UBR1: variants seen among roughly 807,000 people sequenced by gnomAD.
UBR1 encodes ubiquitin protein ligase E3 component n-recognin 1, also known as E3 ubiquitin-protein ligase UBR1.
A neutral mutation model predicts 242.1 loss-of-function variants in UBR1; 102 were observed. That is an observed-to-expected ratio of 0.42 (90% confidence interval 0.36 to 0.50). The LOEUF (loss-of-function observed/expected upper bound fraction) is 0.50. Among genes scored for constraint, UBR1 ranks in the 20% least tolerant of loss-of-function variants. The pLI is 0.01. For missense variants in UBR1, 1,772 were observed against 2,101.8 expected, an observed-to-expected ratio of 0.84 and a Z score of 3.07; for synonymous variants, 675 against 684.8, an observed-to-expected ratio of 0.99 and a Z score of 0.22.
At chr15:43,071,880 C>A (rs1169454261) in intron 4 of UBR1, among the ~76,000 whole-genome samples, 5 of 151,978 alleles carry the variant, frequency 3.3e-5, no homozygotes, top group Non-Finnish European at 7.4e-5. Context: ...GTGGCCATAA[C>A]AAAAAAAGCA....
At chr15:43,058,682 ATTCTTT>A (rs1436726200) in intron 9 of UBR1, among the ~76,000 whole-genome samples, 1 of 151,982 alleles carries the variant, frequency 6.6e-6, no homozygotes. Flanking sequence ...CAACCTTTTC[ATTCTTT>A]TTCTATTTCA....
chr15:42,943,542 G>A lies in UBR1; in HGVS notation c.*1787C>T, dbSNP rs1322980511. ...TGCCAGACAGTCCCTCTGTCCTCTTGAGAGCCTAACTCCAGAATTTATTAA... is the reference window on the plus strand; with the variant it reads ...TGCCAGACAGTCCCTCTGTCCTCTTAAGAGCCTAACTCCAGAATTTATTAA... On this transcript the variant is annotated 3_prime_UTR_variant, in exon 47 of 47. Coordinates refer to ENST00000290650, the MANE Select transcript of UBR1 (RefSeq NM_174916.3). 1 of 152,290 alleles carries A rather than the reference G, an allele frequency of 6.6e-6. No individual in the cohort carries two copies. The highest frequency in any genetic ancestry group is 1.5e-5 in the Non-Finnish European group (1 of 68,044). 9.4% of individuals were successfully genotyped at this position (152,290 alleles called of 1,614,324 possible). A position where few individuals can be genotyped will look rare whatever the true frequency, so the allele number is the denominator to read the frequency against.
At chr15:43,021,073 C>G in intron 27 of UBR1, 1 of 480,178 alleles carries the variant, frequency 2.1e-6, no homozygotes, top group South Asian at 2.3e-5. Context: ...GACTAAATAA[C>G]GACAAAAAAA....
intron 3 of UBR1, among the ~76,000 whole-genome samples, chr15:43,076,829 C>T (rs1162604676): frequency 1.6e-3 from 171 of 104,446 alleles, no homozygotes; most frequent in Middle Eastern, 0.015. Flanking sequence ...TGAGGGGCGC[C>T]TCTGCCCGGC....
chr15:42,977,994 T>C (rs2032316410), intron 37 of UBR1, 47 bp from the exon 38 acceptor site: 1 of 1,505,798 alleles, frequency 6.6e-7, no homozygotes, highest in Non-Finnish European at 9.2e-7. Context: ...AAGATAGCAG[T>C]GTAGGTAAAT....
intron 33 of UBR1, among the ~76,000 whole-genome samples, chr15:42,995,945 C>T (rs770211334): frequency 3.9e-5 from 6 of 152,194 alleles, no homozygotes; most frequent in Non-Finnish European, 8.8e-5. Flanking sequence ...ACAACTGCCC[C>T]ATATTCTCCA....
At chr15:43,054,445 A>G (rs1170150211) in intron 12 of UBR1, among the ~76,000 whole-genome samples, 1 of 152,106 alleles carries the variant, frequency 6.6e-6, no homozygotes, top group Non-Finnish European at 1.5e-5. Context: ...GTGTGAGTGG[A>G]AGTGAATGAA....
intron 30 of UBR1, 80 bp downstream of exon 30, chr15:43,006,999 T>C (rs772900311): frequency 8.2e-5 from 113 of 1,385,684 alleles, no homozygotes; most frequent in African/African-American, 5.6e-4. Flanking sequence ...TATTTCCAAA[T>C]GTTTTTCAAA....
intron 32 of UBR1, among the ~76,000 whole-genome samples, chr15:43,000,468 A>C (rs189547865): frequency 6.6e-6 from 1 of 152,350 alleles, no homozygotes; most frequent in Non-Finnish European, 1.5e-5. Flanking sequence ...CTGTGTAAAA[A>C]AGGCTTGTAC....
At chr15:43,087,083 AC>A (rs1275300781) in intron 1 of UBR1, among the ~76,000 whole-genome samples, 3 of 152,182 alleles carry the variant, frequency 2.0e-5, no homozygotes, top group Non-Finnish European at 4.4e-5. Flanking sequence ...AAAAACAACA[AC>A]AAAAACTTAT....
At chr15:42,957,074 AT>A (rs1055594665) in intron 44 of UBR1, among the ~76,000 whole-genome samples, 4 of 152,036 alleles carry the variant, frequency 2.6e-5, no homozygotes, top group Admixed American at 1.3e-4. Context: ...GTAGATGAGT[AT>A]TTTTTTTAGT....
intron 39 of UBR1, among the ~76,000 whole-genome samples, chr15:42,974,210 T>C (rs1302251720): frequency 6.6e-6 from 1 of 152,152 alleles, no homozygotes; most frequent in Non-Finnish European, 1.5e-5. Context: ...TTTTATAGTT[T>C]TGCATTTTAC....
intron 14 of UBR1, among the ~76,000 whole-genome samples, chr15:43,045,861 G>A (rs749529326): frequency 6.6e-6 from 1 of 152,206 alleles, no homozygotes; most frequent in Non-Finnish European, 1.5e-5. Context: ...GATAATAAAT[G>A]TATTAGGATA....
At chr15:43,047,438 G>A (rs567327034) in intron 13 of UBR1, 149 bp from the exon 14 acceptor site, 4 of 1,204,846 alleles carry the variant, frequency 3.3e-6, no homozygotes, top group East Asian at 2.4e-5. Flanking sequence ...CCAGCTCTCA[G>A]GTATGTGCTC....
At chr15:43,040,590 T>C (rs1360753960) in intron 15 of UBR1, among the ~76,000 whole-genome samples, 1 of 152,064 alleles carries the variant, frequency 6.6e-6, no homozygotes, top group Admixed American at 6.6e-5. Flanking sequence ...AAAGACAAAA[T>C]TGACAAATGG....
At chr15:43,062,648 G>A (rs564950957) in intron 6 of UBR1, among the ~76,000 whole-genome samples, 1 of 152,284 alleles carries the variant, frequency 6.6e-6, no homozygotes, top group Admixed American at 6.5e-5. Flanking sequence ...GTCTCACTCT[G>A]TTGTTCAGGC....
At chr15:43,006,182 TG>T (rs909037060) in intron 30 of UBR1, among the ~76,000 whole-genome samples, 1 of 151,160 alleles carries the variant, frequency 6.6e-6, no homozygotes, top group African/African-American at 2.4e-5. Flanking sequence ...CTCATGGCCA[TG>T]GGTAAGTTAC....
In UBR1 at chr15:42,952,428, T is replaced by A. The variant is rs753088815; in HGVS notation, c.4856A>T (p.Asp1619Val). ...SHFRCPRSAD[D>V]ERKHPVLCLF... ...GCAGAGGACAGGATGCTTTCGCTCA[T>A]CATCTGCAGACCGTGGGCACCTCAA... Residue 1619 changes from aspartate (D) to valine (V), a missense_variant, in exon 45 of 47, where the codon GAT becomes GTT. Around this residue, in one of 3 missense-constraint regions of UBR1, gnomAD observed 965 missense variants for 1,079.7 expected, o/e 0.89. Coordinates refer to ENST00000290650, the MANE Select transcript of UBR1 (RefSeq NM_174916.3). The A allele has an allele frequency of 5.0e-5, 80 of 1,614,216 alleles. No homozygotes were observed. The East Asian group carries it at 1.8e-3, about 36-fold the overall frequency.
intron 6 of UBR1, among the ~76,000 whole-genome samples, chr15:43,064,499 T>G (rs2141341674): frequency 6.6e-6 from 1 of 152,114 alleles, no homozygotes; most frequent in Non-Finnish European, 1.5e-5. Context: ...AAAGCACAAG[T>G]TAGAGAACCA....
Sources: allele counts gnomAD v4.1 joint callset (sites outside exome capture counted in the v4.1 genomes callset), GRCh38; gene constraint gnomAD v4.1.1; regional missense constraint gnomAD v4.1.1; transcripts MANE v1.5; gene names NCBI Gene and HGNC (gene_info 2026-07-23, HGNC 2026-07-21).